Variants in LBR observed in about 807,000 individuals in gnomAD.
LBR encodes delta(14)-sterol reductase LBR.
LBR carries 28 observed loss-of-function variants against 74.3 expected under a neutral mutation model. The observed-to-expected ratio is 0.38, with a 90% CI of 0.28 to 0.52. The LOEUF is 0.52. LBR is among the 20% of genes least tolerant of loss of function. LBR has a pLI of 0.89. For synonymous variants in LBR, 228 were observed against 269.3 expected (o/e 0.85, Z 1.50); for missense variants, 717 against 760.3 (o/e 0.94, Z 0.67).
rs560585779 is a variant in LBR at position 225,405,581 on chromosome 1, CTT to C, written c.1484-877_1484-876del. ...TCTCTCTTGCCCTCCCTCACTCTCT[CTT>C]GTCCTTCCACCTTCCACCCTGGGAT... On this transcript the variant is annotated intron_variant, in intron 11 of 13. Transcript: ENST00000272163. 3.8e-3 allele frequency among the ~76,000 whole-genome samples: 581 copies of C among 152,294 alleles called. 1 individual carries two copies. The highest frequency in any genetic ancestry group is 0.014 in the African/African-American group (565 of 41,556).
intron 7 of LBR, among the ~76,000 whole-genome samples, chr1:225,413,384 T>C (rs1407034454): frequency 6.6e-6 from 1 of 152,226 alleles, no homozygotes; most frequent in Non-Finnish European, 1.5e-5. Context: ...AAGATCCAAT[T>C]TTTTTCTTTT....
chr1:225,415,888 T>G (rs984246338), intron 6 of LBR, among the ~76,000 whole-genome samples: 1 of 152,146 alleles, frequency 6.6e-6, no homozygotes, highest in African/African-American at 2.4e-5. Context: ...CCATTTCATG[T>G]GATTCTTTTA....
At chr1:225,422,943 T>C (rs1265249917) in intron 2 of LBR, among the ~76,000 whole-genome samples, 1 of 152,216 alleles carries the variant, frequency 6.6e-6, no homozygotes, top group Admixed American at 6.5e-5. Context: ...TCCATAAAGT[T>C]GTACTGGAAC....
In LBR at chr1:225,403,327, G is replaced by A; in HGVS notation, c.1824C>T (p.Tyr608=). 6.2e-7 allele frequency: 1 copy of A among 1,613,758 alleles called. No individual in the cohort carries two copies. Among genetic ancestry groups the A allele is most frequent in the Non-Finnish European group, 8.5e-7 (1 of 1,179,926 alleles). ...ATTAGTAGATGTATGGAAATATACG[G>A]TAGGGCACACGCTGACAGTACTTTT... is the stretch of plus-strand genomic sequence containing the variant. ...AWEKYCQRVP[Y]RIFPYIY Residue 608 remains tyrosine, a synonymous_variant, in exon 14 of 14, where the codon TAC becomes TAT. Transcript: ENST00000272163.
At chr1:225,408,752 A>T (rs2096097849) in intron 10 of LBR, among the ~76,000 whole-genome samples, 1 of 152,200 alleles carries the variant, frequency 6.6e-6, no homozygotes. Flanking sequence ...CTAGTTCTCT[A>T]CCCCTGGGGC....
rs12141732 is a variant in LBR at position 225,422,538 on chromosome 1, T to C, written c.166-261A>G. ...CATGAAACGAATGTATCTAAACCAA[T>C]TAGCTGTACTTATTTCCAACACCAT... is the stretch of plus-strand genomic sequence containing the variant. On this transcript the variant is annotated intron_variant, in intron 2 of 13. Coordinates refer to ENST00000272163, the MANE Select transcript of LBR (RefSeq NM_002296.4). 126,358 of 464,540 alleles carry C rather than the reference T, an allele frequency of 0.27. 19,302 individuals are homozygous for C. Among genetic ancestry groups the C allele is most frequent in the East Asian group, 0.39 (9,403 of 24,216 alleles). The allele number at this position is 464,540 out of a possible 1,614,324, so 28.8% of individuals were successfully genotyped here.
intron 7 of LBR, among the ~76,000 whole-genome samples, chr1:225,413,307 G>A (rs930860803): frequency 6.6e-6 from 1 of 152,184 alleles, no homozygotes; most frequent in African/African-American, 2.4e-5. Flanking sequence ...AAAAGCACCC[G>A]CCCTGTGACG....
rs1258260199 is a variant in LBR at position 225,410,528 on chromosome 1, C to T, written c.1189-112G>A. 7.4e-6 allele frequency: 8 copies of T among 1,074,008 alleles called. No individual in the cohort carries two copies. The East Asian group carries it at 1.8e-4, about 24-fold the overall frequency. 66.5% of individuals were successfully genotyped at this position (1,074,008 alleles called of 1,614,324 possible). A position where few individuals can be genotyped will look rare whatever the true frequency, so the allele number is the denominator to read the frequency against. On this transcript the variant is annotated intron_variant, in intron 9 of 13. Transcript: ENST00000272163. ...AGACACCTGGCAGACGCCACCGTAACTCCTACCCGCCACCAGGAATAAGAC... is the reference window on the plus strand; with the variant it reads ...AGACACCTGGCAGACGCCACCGTAATTCCTACCCGCCACCAGGAATAAGAC...
At chr1:225,406,602 G>A in intron 11 of LBR, 62 bp downstream of exon 11, 3 of 1,404,102 alleles carry the variant, frequency 2.1e-6, no homozygotes, top group Admixed American at 1.9e-5. Context: ...TAGACAGCAG[G>A]GCATAAAAGC....
At chr1:225,418,867 C>T (rs778567666) in intron 5 of LBR, among the ~76,000 whole-genome samples, 8 of 152,234 alleles carry the variant, frequency 5.3e-5, no homozygotes, top group Non-Finnish European at 8.8e-5. Flanking sequence ...TTTATGCAGG[C>T]AGCTGAGGCC....
chr1:225,404,430 A>G lies in LBR; in HGVS notation c.1661T>C (p.Met554Thr), dbSNP rs751837075. The G allele has an allele frequency of 1.9e-6, 3 of 1,614,094 alleles. No homozygotes were observed. The highest frequency in any genetic ancestry group is 2.2e-5 in the East Asian group (1 of 44,890). ...RHPNYLGDLIMALAWSLPCGF... is the reference protein window; with the variant it reads ...RHPNYLGDLITALAWSLPCGF... The stretch of plus-strand genomic sequence containing the variant: ...ACATGGGAGGGACCACGCCAAGGCC[A>G]TGATGAGATCACCCAAGTAATTGGG... Residue 554 changes from methionine to threonine, a missense_variant, in exon 13 of 14, where the codon ATG (methionine) becomes ACG (threonine). Coordinates refer to ENST00000272163, the MANE Select transcript of LBR (RefSeq NM_002296.4).
intron 8 of LBR, among the ~76,000 whole-genome samples, chr1:225,412,123 G>GT (rs2096107067): frequency 6.6e-6 from 1 of 152,090 alleles, no homozygotes; most frequent in Admixed American, 6.5e-5. Flanking sequence ...AACCTCTGTT[G>GT]TTTTTTGTTT....
rs1336370687 is a variant in LBR, at chr1:225,403,200, A to G, written c.*103T>C. On this transcript the variant is annotated 3_prime_UTR_variant, in exon 14 of 14. Transcript: ENST00000272163. ...GACTCAAAAAGAAAAAAAAAAGTAC[A>G]GACCCTGTCAGTGCAACAAAAGAAA... 4.6e-6 allele frequency: 5 copies of G among 1,096,710 alleles called. No individual in the cohort carries two copies. Among genetic ancestry groups the G allele is most frequent in the Non-Finnish European group, 7.0e-6 (5 of 716,012 alleles). The allele number at this position is 1,096,710 out of a possible 1,614,324, so 67.9% of individuals were successfully genotyped here.
chr1:225,418,847 G>T (rs928589183), intron 5 of LBR, among the ~76,000 whole-genome samples: 3 of 152,092 alleles, frequency 2.0e-5, no homozygotes, highest in Non-Finnish European at 4.4e-5. Context: ...GGCAGCCTCC[G>T]GGATCCCATT....
chr1:225,406,734 T>C lies in LBR; in HGVS notation c.1413A>G (p.Gln471=), dbSNP rs2096092532. The C allele has an allele frequency of 6.2e-7, 1 of 1,614,008 alleles. No individual in the cohort carries two copies. Among genetic ancestry groups the C allele is most frequent in the African/African-American group, 1.3e-5 (1 of 74,910 alleles). ...TTGGATGACTGACTAAATAAAAGGC[T>C]TGGAAGCTGTAAATAAAGGGAACCC... The part of the protein sequence containing the change: ...LVWVPFIYSF[Q]AFYLVSHPNE... The change falls in exon 11 of 14, where the codon CAA becomes CAG. Residue 471 remains glutamine, a synonymous_variant. Coordinates refer to ENST00000272163, the MANE Select transcript of LBR (RefSeq NM_002296.4).
chr1:225,428,706 G>C (rs1575235769), upstream of LBR: 1 of 152,176 alleles, frequency 6.6e-6, no homozygotes, highest in Non-Finnish European at 1.5e-5. Context: ...TACGACTTAC[G>C]CTGCGAGGAG....
chr1:225,411,188 C>T (rs2096104510), intron 9 of LBR, 149 bp downstream of exon 9: 2 of 697,958 alleles, frequency 2.9e-6, no homozygotes, highest in Non-Finnish European at 5.2e-6. Context: ...AAAATACTTA[C>T]AAGAAAGTAT....
At chr1:225,404,315 C>T (rs2096086971) in intron 13 of LBR, 89 bp downstream of exon 13, 1 of 1,583,548 alleles carries the variant, frequency 6.3e-7, no homozygotes, top group African/African-American at 1.3e-5. Flanking sequence ...TCACACCCAC[C>T]TTGGCCACAC....
intron 2 of LBR, among the ~76,000 whole-genome samples, chr1:225,423,621 T>C (rs1207435942): frequency 6.6e-6 from 1 of 152,142 alleles, no homozygotes; most frequent in Non-Finnish European, 1.5e-5. Flanking sequence ...TTCTCTACCC[T>C]TGATACACTC....
Sources: gnomAD v4.1 joint callset for allele counts (sites outside exome capture counted in the v4.1 genomes callset) on GRCh38, gnomAD v4.1.1 for gene constraint, MANE v1.5 for transcripts, NCBI Gene and HGNC (gene_info 2026-07-23, HGNC 2026-07-21) for gene names.